RFX4: variants seen among roughly 807,000 people sequenced by gnomAD.
RFX4 encodes the protein transcription factor RFX4.
A neutral mutation model predicts 95.0 loss-of-function variants in RFX4; 10 were observed. The observed-to-expected ratio is 0.11, with a 90% CI of 0.06 to 0.18. RFX4 has a LOEUF of 0.18. RFX4 is among the 10% of genes least tolerant of loss of function. The probability of loss-of-function intolerance (pLI) is 1.00; values close to 1 mark genes in which losing one functional copy is unlikely to be tolerated. For synonymous variants in RFX4, 321 were observed against 340.7 expected (o/e 0.94, Z 0.64); for missense variants, 640 against 922.0 (o/e 0.69, Z 3.96).
At chr12:106,687,167 ATCTC>A (rs529235754) in intron 6 of RFX4, 70 bp downstream of exon 6, 14 of 793,790 alleles carry the variant, frequency 1.8e-5, no homozygotes, top group African/African-American at 1.2e-4. Context: ...CTCTGTCTCT[ATCTC>A]TCTCTCTCTC....
chr12:106,594,972 G>A lies in RFX4; in HGVS notation c.43+11609G>A, dbSNP rs533865970. On this transcript the variant is annotated intron_variant, in intron 1 of 17. Coordinates refer to ENST00000392842, the MANE Select transcript of RFX4 (RefSeq NM_213594.3). ...AGAATCATTTCCATAATTGACAGCA[G>A]GCTAACTTAATGAGTTTTTTCAAAA... Among the ~76,000 whole-genome samples the A allele has an allele frequency of 3.9e-5, 6 of 152,190 alleles. No homozygotes were observed. The South Asian group carries it at 1.2e-3, about 32-fold the overall frequency.
intron 13 of RFX4, among the ~76,000 whole-genome samples, chr12:106,726,439 T>C (rs1429678767): frequency 6.6e-6 from 1 of 152,156 alleles, no homozygotes; most frequent in East Asian, 1.9e-4. Context: ...GATTGTATTC[T>C]TTTAGTAATG....
rs2039460371 is a variant in RFX4 at position 106,586,490 on chromosome 12, G to C, written c.43+3127G>C. On this transcript the variant is annotated intron_variant, in intron 1 of 17. Coordinates refer to ENST00000392842, the MANE Select transcript of RFX4 (RefSeq NM_213594.3). This position sits in a 1 kb window ranked among gnomAD's most constrained non-coding sequence, Gnocchi z 5.6. ...AACTTGTGCAAAGTGGGCCGGGCCG[G>C]GTCGGTCGCCTACGCAACAGAAGGA... 6.6e-6 allele frequency among the ~76,000 whole-genome samples: 1 copy of C among 151,210 alleles called. No homozygotes were observed.
intron 1 of RFX4, among the ~76,000 whole-genome samples, chr12:106,589,548 A>C (rs1265203573): frequency 1.3e-5 from 2 of 152,166 alleles, no homozygotes; most frequent in African/African-American, 4.8e-5. Context: ...TTTAGGATGA[A>C]AGAGGGTCTG....
At chr12:106,730,265 C>T (rs1426536736) in intron 13 of RFX4, among the ~76,000 whole-genome samples, 1 of 152,134 alleles carries the variant, frequency 6.6e-6, no homozygotes, top group Non-Finnish European at 1.5e-5. Flanking sequence ...TAAATTTCAC[C>T]AAGGAGTGCT....
rs187695788 is a variant in RFX4, at chr12:106,730,210, G to C, written c.1352-1920G>C. ...AGAATTAACTGATCTGAGATGAAGG[G>C]TGTGGGTGTATACAGAAGCCAGGTG... On this transcript the variant is annotated intron_variant, in intron 13 of 17. Coordinates refer to ENST00000392842, the MANE Select transcript of RFX4 (RefSeq NM_213594.3). Among the ~76,000 whole-genome samples the C allele has an allele frequency of 2.4e-4, 36 of 152,242 alleles. 1 individual carries two copies. In the East Asian group the frequency reaches 6.2e-3, roughly 26 times the overall value.
chr12:106,753,095 G>A (rs2043039385), intron 17 of RFX4, among the ~76,000 whole-genome samples: 1 of 152,042 alleles, frequency 6.6e-6, no homozygotes, highest in Non-Finnish European at 1.5e-5. Flanking sequence ...CCAACTGACC[G>A]TGACACTTTC....
chr12:106,670,024 G>GCAAT (rs1289242403), intron 4 of RFX4, among the ~76,000 whole-genome samples: 1 of 152,096 alleles, frequency 6.6e-6, no homozygotes, highest in East Asian at 1.9e-4. Context: ...AATATTGATA[G>GCAAT]CAATCAATCA....
At chr12:106,692,360 C>T (rs1229410716) in intron 7 of RFX4, among the ~76,000 whole-genome samples, 2 of 152,008 alleles carry the variant, frequency 1.3e-5, no homozygotes, top group Non-Finnish European at 2.9e-5. Context: ...ATAATTATAC[C>T]TATCTCATAG....
At chr12:106,597,226 A>G (rs2039633249) in intron 1 of RFX4, among the ~76,000 whole-genome samples, 1 of 152,108 alleles carries the variant, frequency 6.6e-6, no homozygotes, top group Admixed American at 6.5e-5. Context: ...TCTAATCCTC[A>G]TAATAACCTC....
chr12:106,737,162 GTTTTTTTTTTTTTTT>G (rs556116618), intron 15 of RFX4, among the ~76,000 whole-genome samples: 719 of 54,800 alleles, frequency 0.013, 2 homozygotes, highest in Middle Eastern at 0.029. Flanking sequence ...CGGAACTAAA[GTTTTTTTTTTTTTTT>G]TTTTTTTTTT....
chr12:106,746,217 A>C (rs925843771), intron 15 of RFX4, among the ~76,000 whole-genome samples: 25 of 152,066 alleles, frequency 1.6e-4, no homozygotes, highest in Non-Finnish European at 2.4e-4. Flanking sequence ...TTAGCCAGGC[A>C]TGGTGGTGTG....
intron 2 of RFX4, among the ~76,000 whole-genome samples, chr12:106,619,958 A>G (rs2040148384): frequency 6.6e-6 from 1 of 151,852 alleles, no homozygotes; most frequent in Non-Finnish European, 1.5e-5. Context: ...ATCTTGATTG[A>G]TATTCTCCAT....
intron 15 of RFX4, among the ~76,000 whole-genome samples, chr12:106,746,235 A>G (rs2042892286): frequency 6.6e-6 from 1 of 152,124 alleles, no homozygotes; most frequent in Non-Finnish European, 1.5e-5. Flanking sequence ...GTGCACCTGT[A>G]ATCCCAGCTA....
rs558585447 is a variant in RFX4 at position 106,586,391 on chromosome 12, G to A, written c.43+3028G>A. On this transcript the variant is annotated intron_variant, in intron 1 of 17. Coordinates refer to ENST00000392842, the MANE Select transcript of RFX4 (RefSeq NM_213594.3). This position sits in a 1 kb window ranked among gnomAD's most constrained non-coding sequence, Gnocchi z 5.6. ...TCAGGGCTGCTCTGCCCGGGTGATC[G>A]TTGCTCAGTTACTCAAGTTATCCGG... Among the ~76,000 whole-genome samples the A allele has an allele frequency of 6.6e-6, 1 of 152,218 alleles. No individual in the cohort carries two copies. The highest frequency in any genetic ancestry group is 1.9e-4 in the East Asian group (1 of 5,166).
chr12:106,609,672 C>A (rs2039915486), intron 2 of RFX4, among the ~76,000 whole-genome samples: 1 of 152,210 alleles, frequency 6.6e-6, no homozygotes, highest in Non-Finnish European at 1.5e-5. Context: ...ATCACCATGT[C>A]ACTTCATTTT....
intron 1 of RFX4, among the ~76,000 whole-genome samples, chr12:106,585,125 T>C (rs1349918939): frequency 6.6e-6 from 1 of 152,210 alleles, no homozygotes; most frequent in Non-Finnish European, 1.5e-5. Context: ...TGTGGCCAAG[T>C]ATTTTCGAGC....
intron 4 of RFX4, among the ~76,000 whole-genome samples, chr12:106,676,266 G>A (rs895894721): frequency 2.0e-5 from 3 of 152,146 alleles, no homozygotes; most frequent in Non-Finnish European, 2.9e-5. Flanking sequence ...GAGGGAGAGA[G>A]AGTTTAAGGT....
At chr12:106,671,284 C>T (rs2041275556) in intron 4 of RFX4, among the ~76,000 whole-genome samples, 2 of 152,046 alleles carry the variant, frequency 1.3e-5, no homozygotes, top group African/African-American at 4.8e-5. Context: ...AAACAAACGC[C>T]CGATGACTAA....
Sources: gnomAD v4.1 joint callset for allele counts (sites outside exome capture counted in the v4.1 genomes callset) on GRCh38, gnomAD v4.1.1 for gene constraint, Gnocchi (gnomAD v3.1) non-coding constraint, MANE v1.5 for transcripts, NCBI Gene and HGNC (gene_info 2026-07-23, HGNC 2026-07-21) for gene names.